GOLPH3: variants seen among roughly 807,000 people sequenced by gnomAD.
GOLPH3 encodes the protein coat protein GPP34.
In GOLPH3, 14 loss-of-function variants were observed where a neutral mutation model predicts 28.5. The ratio of observed to expected loss-of-function variants is 0.49; its 90% CI spans 0.32 to 0.77. The LOEUF (loss-of-function observed/expected upper bound fraction) is 0.77, where lower values mean the gene tolerates loss of function less well. Ranked by LOEUF, GOLPH3 falls within the 30% of genes least tolerant of loss-of-function variation. GOLPH3 has a pLI of 0.03. For missense variants in GOLPH3, 350 were observed against 393.7 expected, an observed-to-expected ratio of 0.89 and a Z score of 0.94; for synonymous variants, 158 against 159.2, an observed-to-expected ratio of 0.99 and a Z score of 0.06.
At chr5:32,152,049 G>A (rs1337873225) in intron 1 of GOLPH3, among the ~76,000 whole-genome samples, 1 of 152,138 alleles carries the variant, frequency 6.6e-6, no homozygotes, top group Non-Finnish European at 1.5e-5. Context: ...ACGGCACAGT[G>A]TGAATCTACT....
intron 1 of GOLPH3, among the ~76,000 whole-genome samples, chr5:32,167,665 A>T (rs1206797066): frequency 6.6e-6 from 1 of 151,452 alleles, no homozygotes; most frequent in East Asian, 2.0e-4. Flanking sequence ...AGGTATAATA[A>T]GCAGACCAGG....
At chr5:32,166,574 G>T (rs182048523) in intron 1 of GOLPH3, among the ~76,000 whole-genome samples, 3 of 152,288 alleles carry the variant, frequency 2.0e-5, no homozygotes, top group African/African-American at 7.2e-5. Flanking sequence ...TTGGGAAGGC[G>T]AGGTGGGCGG....
At chr5:32,163,233 C>T (rs1746631762) in intron 1 of GOLPH3, among the ~76,000 whole-genome samples, 1 of 152,240 alleles carries the variant, frequency 6.6e-6, no homozygotes, top group South Asian at 2.1e-4. Flanking sequence ...AGCATCCTCC[C>T]TATGTACATC....
At chr5:32,157,871 G>A (rs374897730) in intron 1 of GOLPH3, among the ~76,000 whole-genome samples, 1 of 151,786 alleles carries the variant, frequency 6.6e-6, no homozygotes, top group East Asian at 1.9e-4. Flanking sequence ...CAGCTACTTG[G>A]GAGGCTAAGG....
chr5:32,145,014 A>G (rs1220968225), intron 1 of GOLPH3, among the ~76,000 whole-genome samples: 1 of 152,194 alleles, frequency 6.6e-6, no homozygotes, highest in African/African-American at 2.4e-5. Flanking sequence ...CTGAATCTCT[A>G]AAGAATGGAG....
At chr5:32,168,314 G>A (rs956428227) in intron 1 of GOLPH3, among the ~76,000 whole-genome samples, 6 of 152,190 alleles carry the variant, frequency 3.9e-5, no homozygotes, top group African/African-American at 1.4e-4. Flanking sequence ...TCAAAGTAGT[G>A]ACCTTGGGAA....
intron 3 of GOLPH3, among the ~76,000 whole-genome samples, chr5:32,130,430 G>GTAT (rs1158012526): frequency 6.6e-6 from 1 of 152,150 alleles, no homozygotes; most frequent in Non-Finnish European, 1.5e-5. Context: ...TATCAAAGAA[G>GTAT]TATTATCCCC....
chr5:32,135,715 A>T, intron 2 of GOLPH3, 29 bp from the exon 3 acceptor site: 2 of 1,318,564 alleles, frequency 1.5e-6, no homozygotes, highest in Non-Finnish European at 2.2e-6. Flanking sequence ...GAATGAAAGG[A>T]TCCACGAATG....
chr5:32,150,063 G>A (rs1334965341), intron 1 of GOLPH3, among the ~76,000 whole-genome samples: 2 of 151,672 alleles, frequency 1.3e-5, no homozygotes, highest in African/African-American at 4.8e-5. Flanking sequence ...AGAGTAAATG[G>A]AAAAATTACT....
At chr5:32,141,166 A>G (rs929155746) in intron 2 of GOLPH3, among the ~76,000 whole-genome samples, 5 of 149,554 alleles carry the variant, frequency 3.3e-5, no homozygotes, top group African/African-American at 1.3e-4. Flanking sequence ...CAGTCTCAAA[A>G]AAAAAAAAAA....
chr5:32,173,799 C>T lies in GOLPH3; in HGVS notation c.225+11G>A. ...CGCCGCCGCCCCCCGCCCAGCCCGC[C>T]GCGCCCGCACCTCGCGGTCCTTGAG... is the stretch of plus-strand genomic sequence containing the variant. On this transcript the variant is annotated intron_variant, in intron 1 of 3. Transcript: ENST00000265070. The T allele has an allele frequency of 2.2e-6, 3 of 1,387,606 alleles. No homozygotes were observed. The highest frequency in any genetic ancestry group is 3.5e-5 in the South Asian group (2 of 57,808). 86.0% of individuals were successfully genotyped at this position (1,387,606 alleles called of 1,614,324 possible). A position where few individuals can be genotyped will look rare whatever the true frequency, so the allele number is the denominator to read the frequency against.
chr5:32,169,061 C>T (rs1317144209), intron 1 of GOLPH3, among the ~76,000 whole-genome samples: 1 of 151,906 alleles, frequency 6.6e-6, no homozygotes, highest in Non-Finnish European at 1.5e-5. Context: ...ATCACTTGAT[C>T]CCAGGAGTTC....
At chr5:32,160,894 C>T (rs952356582) in intron 1 of GOLPH3, among the ~76,000 whole-genome samples, 4 of 151,924 alleles carry the variant, frequency 2.6e-5, no homozygotes, top group South Asian at 2.1e-4. Context: ...AGTGAAACCC[C>T]GTCGCTACTA....
intron 3 of GOLPH3, among the ~76,000 whole-genome samples, chr5:32,130,187 A>G (rs1308807713): frequency 6.6e-6 from 1 of 152,162 alleles, no homozygotes; most frequent in Non-Finnish European, 1.5e-5. Context: ...CCACCAATAA[A>G]TAACTGCTGC....
In GOLPH3 at chr5:32,174,041, CG is replaced by C. The variant is rs1746917174; in HGVS notation, c.-8del. 7 of 1,273,930 alleles carry C rather than the reference CG, an allele frequency of 5.5e-6. No homozygotes were observed. The highest frequency in any genetic ancestry group is 3.0e-4 in the Middle Eastern group (1 of 3,370). The allele number at this position is 1,273,930 out of a possible 1,614,324, so 78.9% of individuals were successfully genotyped here. A position where few individuals can be genotyped will look rare whatever the true frequency, so the allele number is the denominator to read the frequency against. On this transcript the variant is annotated 5_prime_UTR_variant, in exon 1 of 4. Transcript: ENST00000265070. ...GCTGGGTCAGCGAGGTCATGGCTCC[CG>C]CCGAGGCGCCGAGCCGGGCCGAGAG...
intron 1 of GOLPH3, among the ~76,000 whole-genome samples, chr5:32,167,600 A>G (rs1465926813): frequency 6.6e-6 from 1 of 152,202 alleles, no homozygotes; most frequent in Non-Finnish European, 1.5e-5. Context: ...ACCATATTGT[A>G]AAAGAATCCC....
At chr5:32,138,434 G>A (rs919826324) in intron 2 of GOLPH3, among the ~76,000 whole-genome samples, 6 of 151,782 alleles carry the variant, frequency 4.0e-5, no homozygotes, top group Non-Finnish European at 7.4e-5. Flanking sequence ...TGTGTACAAC[G>A]TGCAGGTTTG....
intron 3 of GOLPH3, among the ~76,000 whole-genome samples, chr5:32,127,704 CCATTCAACTGG>C (rs1310388696): frequency 6.6e-6 from 1 of 152,160 alleles, no homozygotes; most frequent in Non-Finnish European, 1.5e-5. Flanking sequence ...AAATATATTA[CCATTCAACTGG>C]ACAGAGACAC....
chr5:32,131,429 TGAG>T lies in GOLPH3; in HGVS notation c.472+4140_472+4142del, dbSNP rs1383581205. On this transcript the variant is annotated intron_variant, in intron 3 of 3. Transcript: ENST00000265070. ...GATAGGAAGACAATAGATGGATTTC[TGAG>T]GAGAAGATGCAATAAAAGTTTAGCT... Among the ~76,000 whole-genome samples the T allele has an allele frequency of 2.6e-5, 4 of 152,242 alleles. No homozygotes were observed. The South Asian group carries it at 6.2e-4, about 24-fold the overall frequency.
Sources: allele counts gnomAD v4.1 joint callset (sites outside exome capture counted in the v4.1 genomes callset), GRCh38; gene constraint gnomAD v4.1.1; transcripts MANE v1.5; gene names NCBI Gene and HGNC (gene_info 2026-07-23, HGNC 2026-07-21).